MACROD2: variants seen among roughly 807,000 people sequenced by gnomAD.
MACROD2 encodes the protein mono-ADP ribosylhydrolase 2.
Under a neutral mutation model 70.4 loss-of-function variants are expected in MACROD2, and 36 were observed. That is an observed-to-expected ratio of 0.51 (90% confidence interval 0.39 to 0.68). The LOEUF (loss-of-function observed/expected upper bound fraction) is 0.68, where lower values mean the gene tolerates loss of function less well. Ranked by LOEUF, MACROD2 falls within the 30% of genes least tolerant of loss-of-function variation. The probability of loss-of-function intolerance (pLI) is 0.00; values close to 1 mark genes in which losing one functional copy is unlikely to be tolerated. For missense variants in MACROD2, 496 were observed against 538.4 expected (o/e 0.92, Z 0.78); for synonymous variants, 172 against 178.8 (o/e 0.96, Z 0.30).
At chr20:15,367,057 T>C (rs2045420613) in intron 6 of MACROD2, among the ~76,000 whole-genome samples, 9 of 150,680 alleles carry the variant, frequency 6.0e-5, no homozygotes, top group Admixed American at 6.0e-4. Flanking sequence ...AGAGGGAGTC[T>C]CACTCTGTTG....
chr20:15,427,319 A>G (rs887789496), intron 6 of MACROD2, among the ~76,000 whole-genome samples: 7 of 152,220 alleles, frequency 4.6e-5, no homozygotes, highest in African/African-American at 1.4e-4. Flanking sequence ...ACTAAGTTGC[A>G]TGATTGATTC....
intron 4 of MACROD2, among the ~76,000 whole-genome samples, chr20:14,501,049 A>C (rs1446265187): frequency 2.0e-5 from 3 of 151,380 alleles, no homozygotes; most frequent in Non-Finnish European, 1.5e-5. Flanking sequence ...AAAAAAAAAC[A>C]AAAACCCAAA....
rs371045541 is a variant in MACROD2 at position 14,076,755 on chromosome 20, A to AT, written c.164-8865dup. Reference sequence around the variant, plus strand: ...AAATAAGATTAATATTATTGGTTTAATAAAAATGGGTTTGTCTTAATGACT... The same window carrying AT: ...AAATAAGATTAATATTATTGGTTTAATTAAAAATGGGTTTGTCTTAATGACT... On this transcript the variant is annotated intron_variant, in intron 2 of 17. Coordinates refer to ENST00000684519, the MANE Select transcript of MACROD2 (RefSeq NM_001351661.2). Among the ~76,000 whole-genome samples the AT allele has an allele frequency of 5.8e-4, 88 of 152,252 alleles. 1 individual carries two copies. The East Asian group carries it at 0.016, about 28-fold the overall frequency.
At chr20:14,766,084 C>A (rs552081349) in intron 5 of MACROD2, among the ~76,000 whole-genome samples, 1 of 151,998 alleles carries the variant, frequency 6.6e-6, no homozygotes, top group Non-Finnish European at 1.5e-5. Flanking sequence ...CTCACACTTA[C>A]GATTCACTAG....
intron 12 of MACROD2, among the ~76,000 whole-genome samples, chr20:15,965,476 C>G (rs1465427588): frequency 2.6e-5 from 4 of 151,902 alleles, no homozygotes; most frequent in African/African-American, 9.7e-5. Context: ...TTATGATTAA[C>G]AACAGTGAAT....
Position 15,414,025 on chromosome 20 carries a change from G to C in MACROD2, c.541-17380G>C, listed in dbSNP as rs79629049. 3.7e-3 allele frequency among the ~76,000 whole-genome samples: 556 copies of C among 152,208 alleles called. 3 individuals are homozygous for C. The highest frequency in any genetic ancestry group is 0.013 in the African/African-American group (533 of 41,520). ...AATGGTCATTTAATATAGAATTGGA[G>C]GCACCATAGAGCAGCTGAGTCAAGC... On this transcript the variant is annotated intron_variant, in intron 6 of 17. Coordinates refer to ENST00000684519, the MANE Select transcript of MACROD2 (RefSeq NM_001351661.2).
At chr20:14,730,427 A>C (rs2071581265) in intron 5 of MACROD2, among the ~76,000 whole-genome samples, 1 of 152,192 alleles carries the variant, frequency 6.6e-6, no homozygotes, top group South Asian at 2.1e-4. Flanking sequence ...AACCGTTATT[A>C]GACTGGCAGG....
intron 5 of MACROD2, among the ~76,000 whole-genome samples, chr20:15,123,946 A>G (rs1375118539): frequency 6.6e-6 from 1 of 152,186 alleles, no homozygotes; most frequent in Non-Finnish European, 1.5e-5. Context: ...AGCTCATTAC[A>G]TAAAACTTTC....
chr20:15,808,022 T>C (rs1006085254), intron 8 of MACROD2, among the ~76,000 whole-genome samples: 6 of 152,168 alleles, frequency 3.9e-5, no homozygotes, highest in Non-Finnish European at 7.3e-5. Context: ...TTCTGTTCTG[T>C]TCTAATTACC....
intron 5 of MACROD2, among the ~76,000 whole-genome samples, chr20:15,210,006 A>G (rs1027285018): frequency 3.3e-5 from 5 of 152,228 alleles, no homozygotes; most frequent in African/African-American, 1.2e-4. Context: ...CCCTGTGATC[A>G]GCTAACATAA....
At chr20:14,282,879 C>G (rs2082317346) in intron 3 of MACROD2, among the ~76,000 whole-genome samples, 1 of 152,198 alleles carries the variant, frequency 6.6e-6, no homozygotes, top group Non-Finnish European at 1.5e-5. Flanking sequence ...CCAAACACTT[C>G]CCACTAGGCC....
At chr20:15,263,140 C>G (rs1240677989) in intron 6 of MACROD2, among the ~76,000 whole-genome samples, 1 of 151,902 alleles carries the variant, frequency 6.6e-6, no homozygotes, top group East Asian at 1.9e-4. Flanking sequence ...GAGAGTATCC[C>G]CATTGTTTTC....
chr20:15,295,448 G>C (rs10485523), intron 6 of MACROD2, among the ~76,000 whole-genome samples: 26,163 of 152,124 alleles, frequency 0.17, 2,599 homozygotes, highest in Non-Finnish European at 0.23. Context: ...ATGTGTTGAT[G>C]TGGCTTTGAA....
chr20:14,706,590 A>G (rs766934777), intron 5 of MACROD2, among the ~76,000 whole-genome samples: 18 of 152,104 alleles, frequency 1.2e-4, no homozygotes, highest in South Asian at 2.1e-4. Flanking sequence ...CTGTCTAGTG[A>G]GTACTGATTT....
intron 10 of MACROD2, among the ~76,000 whole-genome samples, chr20:15,928,070 G>C (rs2065518215): frequency 6.6e-6 from 1 of 152,206 alleles, no homozygotes; most frequent in Non-Finnish European, 1.5e-5. Flanking sequence ...CTGTAGCTTA[G>C]ATAGCAGGAA....
chr20:16,041,986 A>T lies in MACROD2; in HGVS notation c.1231+708A>T, dbSNP rs147253132. Among the ~76,000 whole-genome samples the T allele has an allele frequency of 2.2e-3, 340 of 152,178 alleles. 1 individual carries two copies. Among genetic ancestry groups the T allele is most frequent in the African/African-American group, 7.6e-3 (316 of 41,548 alleles). ...CTGGCCCATAGAGTTTAGGAGAACC[A>T]GAATTGGTTAGGTGGTCAGTCATTT... On this transcript the variant is annotated intron_variant, in intron 16 of 17. Transcript: ENST00000684519.
intron 2 of MACROD2, among the ~76,000 whole-genome samples, chr20:14,084,091 A>AAAAC (rs1358734025): frequency 6.8e-6 from 1 of 147,074 alleles, no homozygotes; most frequent in East Asian, 2.0e-4. Context: ...ACAAAAAAAA[A>AAAAC]CCTTCCGGGA....
At chr20:15,296,668 G>A (rs2077592191) in intron 6 of MACROD2, among the ~76,000 whole-genome samples, 1 of 152,196 alleles carries the variant, frequency 6.6e-6, no homozygotes. Context: ...CTGCTAGAGG[G>A]TAATGTTCTG....
intron 5 of MACROD2, among the ~76,000 whole-genome samples, chr20:15,194,965 G>A (rs563925025): frequency 1.4e-4 from 21 of 152,152 alleles, no homozygotes; most frequent in Non-Finnish European, 2.6e-4. Flanking sequence ...TTAAAGAATC[G>A]TTTTCTAAGC....
Sources: allele counts gnomAD v4.1 joint callset (sites outside exome capture counted in the v4.1 genomes callset), GRCh38; gene constraint gnomAD v4.1.1; transcripts MANE v1.5; gene names NCBI Gene and HGNC (gene_info 2026-07-23, HGNC 2026-07-21).